Variants in ORC3 observed in about 807,000 individuals in gnomAD.
ORC3 encodes the protein origin recognition complex subunit 3, also known as homolog of latheo, Drosophila.
ORC3 carries 78 observed loss-of-function variants against 100.7 expected under a neutral mutation model. That is an observed-to-expected ratio of 0.77 (90% CI 0.65 to 0.94). ORC3 has a LOEUF of 0.94. Ranked by LOEUF, ORC3 falls within the 40% of genes least tolerant of loss-of-function variation. The pLI is 0.00. For missense variants in ORC3, 789 were observed against 823.9 expected (o/e 0.96, Z 0.52); for synonymous variants, 295 against 289.3 (o/e 1.02, Z -0.20).
intron 16 of ORC3, among the ~76,000 whole-genome samples, chr6:87,659,787 G>A (rs1344230238): frequency 6.6e-6 from 1 of 151,820 alleles, no homozygotes; most frequent in East Asian, 1.9e-4. Context: ...GAGGCTGAGG[G>A]AGGAGAATGG....
chr6:87,646,332 G>A (rs563505052), intron 13 of ORC3, among the ~76,000 whole-genome samples: 1 of 152,072 alleles, frequency 6.6e-6, no homozygotes, highest in African/African-American at 2.4e-5. Context: ...AAGATAAATC[G>A]CTCTTTTGTG....
intron 16 of ORC3, among the ~76,000 whole-genome samples, chr6:87,659,477 T>C (rs1770014285): frequency 6.6e-6 from 1 of 152,086 alleles, no homozygotes; most frequent in Non-Finnish European, 1.5e-5. Context: ...TTCTGACAAA[T>C]TACATGTCTT....
chr6:87,616,699 G>C (rs1170029985), intron 9 of ORC3, among the ~76,000 whole-genome samples: 1 of 151,892 alleles, frequency 6.6e-6, no homozygotes, highest in Non-Finnish European at 1.5e-5. Context: ...TTTTTGGTTT[G>C]TTTCCGAGAC....
chr6:87,632,243 G>C (rs544614047), intron 11 of ORC3, among the ~76,000 whole-genome samples: 2 of 152,320 alleles, frequency 1.3e-5, no homozygotes, highest in East Asian at 3.9e-4. Context: ...AAGTAAGATG[G>C]AAAACTTAGA....
chr6:87,667,098 C>G lies in ORC3; in HGVS notation c.2111C>G (p.Ala704Gly). The G allele has an allele frequency of 6.2e-7, 1 of 1,606,372 alleles. No individual in the cohort carries two copies. Among genetic ancestry groups the G allele is most frequent in the Non-Finnish European group, 8.5e-7 (1 of 1,175,100 alleles). The stretch of plus-strand genomic sequence containing the variant: ...ACCAAACAGAAGACTGACCATGTGG[C>G]AAGACTAACATGGGGAGGCTGCTAG... The part of the protein sequence containing the change: ...KPTKQKTDHV[A>G]RLTWGGC The change falls in exon 20 of 20, where the codon GCA (alanine) becomes GGA (glycine). Residue 704 changes from alanine to glycine, a missense_variant. Ala to Gly is a moderately conservative substitution (Grantham distance 60, BLOSUM62 0). This residue lies in a region of ORC3 where 366 missense variants were observed against 394.2 expected (regional missense o/e 0.93). Transcript: ENST00000392844.
intron 13 of ORC3, among the ~76,000 whole-genome samples, chr6:87,637,533 G>A (rs1562360237): frequency 6.6e-6 from 1 of 151,880 alleles, no homozygotes; most frequent in African/African-American, 2.4e-5. Context: ...GTATTTATAA[G>A]CTTATGTCAA....
At chr6:87,653,576 A>G (rs1234506084) in intron 14 of ORC3, among the ~76,000 whole-genome samples, 1 of 152,218 alleles carries the variant, frequency 6.6e-6, no homozygotes, top group Non-Finnish European at 1.5e-5. Flanking sequence ...TGTCATAATT[A>G]AGAACTCTTT....
chr6:87,643,087 C>G (rs775691131), intron 13 of ORC3, among the ~76,000 whole-genome samples: 6 of 152,066 alleles, frequency 3.9e-5, no homozygotes, highest in Non-Finnish European at 5.9e-5. Context: ...ATTGTTAAAG[C>G]TCTCTTTGAA....
chr6:87,638,970 C>A (rs148844802), intron 13 of ORC3, among the ~76,000 whole-genome samples: 1 of 151,404 alleles, frequency 6.6e-6, no homozygotes, highest in African/African-American at 2.4e-5. Context: ...GATAGTGACA[C>A]CTTTGCTTTC....
chr6:87,644,319 C>T (rs2128284002), intron 13 of ORC3, among the ~76,000 whole-genome samples: 1 of 151,258 alleles, frequency 6.6e-6, no homozygotes, highest in African/African-American at 2.4e-5. Flanking sequence ...GTCTCGATCT[C>T]CTGACCTCGT....
At chr6:87,639,363 G>A (rs1486734869) in intron 13 of ORC3, among the ~76,000 whole-genome samples, 1 of 152,082 alleles carries the variant, frequency 6.6e-6, no homozygotes, top group East Asian at 1.9e-4. Flanking sequence ...TTCTGCCTCC[G>A]CTGCTCTTAC....
At position 87,653,238 on chromosome 6, in the gene ORC3, A is replaced by C. The variant is rs946552326; in HGVS notation, c.1505A>C (p.Gln502Pro). The C allele has an allele frequency of 1.2e-6, 2 of 1,613,584 alleles. No homozygotes were observed. Among genetic ancestry groups the C allele is most frequent in the Non-Finnish European group, 8.5e-7 (1 of 1,179,716 alleles). The change falls in exon 14 of 20, where the codon CAG becomes CCG. Residue 502 changes from glutamine to proline, a missense_variant. Coordinates refer to ENST00000392844, the MANE Select transcript of ORC3 (RefSeq NM_012381.4). Reference protein sequence around the residue: ...KRIEEFLAQFQSLDETKEEED... With the variant: ...KRIEEFLAQFPSLDETKEEED... ...ATAGAGGAGTTCCTGGCCCAGTTTC[A>C]GAGCCTCGATGGTAAGAGTGTAATA...
chr6:87,614,048 A>G (rs991658131), intron 8 of ORC3, among the ~76,000 whole-genome samples: 1 of 152,132 alleles, frequency 6.6e-6, no homozygotes, highest in Admixed American at 6.5e-5. Context: ...TCCCTTTCAC[A>G]CTGCCCTAGC....
At chr6:87,655,498 C>T (rs1025170812) in intron 14 of ORC3, among the ~76,000 whole-genome samples, 29 of 151,746 alleles carry the variant, frequency 1.9e-4, no homozygotes, top group African/African-American at 6.3e-4. Flanking sequence ...ACTACAGGCA[C>T]GTCCCACCAC....
At chr6:87,668,354 T>G (rs546628423), downstream of ORC3, among the ~76,000 whole-genome samples, 29 of 152,320 alleles carry the variant, frequency 1.9e-4, no homozygotes, top group African/African-American at 7.0e-4. Context: ...TCCAAAATGC[T>G]TGGAAACAGA....
chr6:87,639,193 A>T (rs1211199629), intron 13 of ORC3, among the ~76,000 whole-genome samples: 1 of 152,152 alleles, frequency 6.6e-6, no homozygotes, highest in Non-Finnish European at 1.5e-5. Context: ...GGTCCCAAGC[A>T]TTTCAGATAA....
the ORC3 span, among the ~76,000 whole-genome samples, chr6:87,677,255 T>C: frequency 4.6e-5 from 7 of 152,270 alleles, no homozygotes; most frequent in Admixed American, 6.5e-5. Context: ...AAAGTTGTTA[T>C]ATATCTAAGC....
At chr6:87,674,626 A>T in the ORC3 span, among the ~76,000 whole-genome samples, 5 of 144,680 alleles carry the variant, frequency 3.5e-5, no homozygotes, top group African/African-American at 5.2e-5. Flanking sequence ...GAAGGAATTT[A>T]TATATATATA....
At chr6:87,676,524 A>C in the ORC3 span, among the ~76,000 whole-genome samples, 2 of 149,728 alleles carry the variant, frequency 1.3e-5, no homozygotes, top group Non-Finnish European at 3.0e-5. Flanking sequence ...TGGGACGCCG[A>C]GGCGGGCACA....
Sources: gnomAD v4.1 joint callset for allele counts (sites outside exome capture counted in the v4.1 genomes callset) on GRCh38, gnomAD v4.1.1 for gene constraint, gnomAD v4.1.1 regional missense constraint, MANE v1.5 for transcripts, NCBI Gene and HGNC (gene_info 2026-07-23, HGNC 2026-07-21) for gene names.